HNRNPDL: variants seen among roughly 807,000 people sequenced by gnomAD.
HNRNPDL encodes the protein heterogeneous nuclear ribonucleoprotein D-like.
In HNRNPDL, 18 loss-of-function variants were observed where a neutral mutation model predicts 48.0. The ratio of observed to expected loss-of-function variants is 0.38; its 90% confidence interval spans 0.26 to 0.56. HNRNPDL has a LOEUF of 0.56. HNRNPDL is among the 20% of genes least tolerant of loss of function. The pLI, the probability that HNRNPDL is intolerant of heterozygous loss-of-function variation, is 0.77. For missense variants in HNRNPDL, 553 were observed against 540.7 expected, an observed-to-expected ratio of 1.02 and a Z score of -0.23; for synonymous variants, 306 against 207.3, an observed-to-expected ratio of 1.48 and a Z score of -4.09.
In HNRNPDL at chr4:82,423,540, G is replaced by C. The variant is rs1287782719; in HGVS notation, c.*1366C>G. The C allele has an allele frequency of 6.6e-6, 1 of 151,634 alleles. No individual in the cohort carries two copies. Among genetic ancestry groups the C allele is most frequent in the Non-Finnish European group, 1.5e-5 (1 of 68,016 alleles). 9.4% of individuals were successfully genotyped at this position (151,634 alleles called of 1,614,324 possible). ...CAGGCACCAAATTAAAAAAAAAAAGGGAGGGCTCATGAGCATAAGAAACTT... is the reference window on the plus strand; with the variant it reads ...CAGGCACCAAATTAAAAAAAAAAAGCGAGGGCTCATGAGCATAAGAAACTT... On this transcript the variant is annotated 3_prime_UTR_variant, in exon 8 of 8. Coordinates refer to ENST00000295470, the MANE Select transcript of HNRNPDL (RefSeq NM_031372.4).
intron 5 of HNRNPDL, 119 bp downstream of exon 5, chr4:82,427,071 T>TCC: frequency 1.3e-6 from 1 of 783,524 alleles, no homozygotes; most frequent in South Asian, 1.5e-5. Context: ...AGCTGAACAG[T>TCC]CCCCCCTCCG....
rs1721490103 is a variant in HNRNPDL at position 82,427,997 on chromosome 4, T to A, written c.774+21A>T. 1.9e-6 allele frequency: 3 copies of A among 1,608,144 alleles called. 1 individual carries two copies. Among genetic ancestry groups the A allele is most frequent in the South Asian group, 2.2e-5 (2 of 90,690 alleles). ...TTTTATAAACACATCAAGCTTAACATGTGTAAACATAATCACACACCTCTC... is the reference window on the plus strand; with the variant it reads ...TTTTATAAACACATCAAGCTTAACAAGTGTAAACATAATCACACACCTCTC... On this transcript the variant is annotated intron_variant, in intron 3 of 7. Transcript: ENST00000295470.
rs1721314668 is a variant in HNRNPDL at position 82,424,102 on chromosome 4, C to T, written c.*804G>A. On this transcript the variant is annotated 3_prime_UTR_variant, in exon 8 of 8. Transcript: ENST00000295470. Reference sequence around the variant, plus strand: ...AAAATCCTTGAGTTGTAACTACTTCCAATGCTCTTAAACCATAGCTCCTAC... The same window carrying T: ...AAAATCCTTGAGTTGTAACTACTTCTAATGCTCTTAAACCATAGCTCCTAC... The T allele has an allele frequency of 6.6e-6, 1 of 152,186 alleles. No individual in the cohort carries two copies. The highest frequency in any genetic ancestry group is 6.5e-5 in the Admixed American group (1 of 15,274). The allele number at this position is 152,186 out of a possible 1,614,324, so 9.4% of individuals were successfully genotyped here. A position where few individuals can be genotyped will look rare whatever the true frequency, so the allele number is the denominator to read the frequency against.
Position 82,426,141 on chromosome 4 carries a change from A to C in HNRNPDL, c.1193-12T>G, listed in dbSNP as rs990523628. On this transcript the variant is annotated splice_polypyrimidine_tract_variant and intron_variant, in intron 6 of 7. Coordinates refer to ENST00000295470, the MANE Select transcript of HNRNPDL (RefSeq NM_031372.4). Reference sequence around the variant, plus strand: ...AGTGCTCTGTTGGCCTATTTTGAAAACACAGAATTCTCATTAAGATAGTTT... The same window carrying C: ...AGTGCTCTGTTGGCCTATTTTGAAACCACAGAATTCTCATTAAGATAGTTT... The C allele has an allele frequency of 1.9e-6, 3 of 1,598,038 alleles. No individual in the cohort carries two copies. The African/African-American group carries it at 4.0e-5, about 21-fold the overall frequency.
Position 82,427,547 on chromosome 4 carries a change from A to T in HNRNPDL, c.792T>A (p.Leu264=), listed in dbSNP as rs747638876. ...TTTCATTTGTTTTTGTATCCATGGG[A>T]AGTTCAATATTTTCAATCTGAAATC... The part of the protein sequence containing the change: ...GAFGEIENIE[L]PMDTKTNERR... Residue 264 remains leucine (L), a synonymous_variant, in exon 4 of 8, where the codon CTT becomes CTA. Transcript: ENST00000295470. 1.2e-6 allele frequency: 2 copies of T among 1,609,000 alleles called. No individual in the cohort carries two copies. Among genetic ancestry groups the T allele is most frequent in the African/African-American group, 2.7e-5 (2 of 74,650 alleles).
intron 1 of HNRNPDL, 64 bp downstream of exon 1, chr4:82,429,184 C>T: frequency 6.8e-7 from 1 of 1,480,088 alleles, no homozygotes; most frequent in Non-Finnish European, 9.4e-7. Context: ...GCGCGGCTCA[C>T]GAGGAACGAA....
In HNRNPDL at chr4:82,429,504, C is replaced by T; in HGVS notation, c.187G>A (p.Ala63Thr). The T allele has an allele frequency of 6.5e-7, 1 of 1,538,310 alleles. No homozygotes were observed. The highest frequency in any genetic ancestry group is 1.4e-5 in the African/African-American group (1 of 71,340). ...GARRAQRHVTAQQPSRLAGGA... is the reference protein window; with the variant it reads ...GARRAQRHVTTQQPSRLAGGA... ...CCCGCCAATCGGGAGGGCTGCTGGGCGGTGACGTGGCGCTGGGCCCGGCGC... is the reference window on the plus strand; with the variant it reads ...CCCGCCAATCGGGAGGGCTGCTGGGTGGTGACGTGGCGCTGGGCCCGGCGC... Residue 63 changes from alanine (A) to threonine (T), a missense_variant, in exon 1 of 8, where the codon GCC (alanine) becomes ACC (threonine). Transcript: ENST00000295470.
chr4:82,429,182 C>A, intron 1 of HNRNPDL, 66 bp downstream of exon 1: 1 of 1,458,696 alleles, frequency 6.9e-7, no homozygotes, highest in Non-Finnish European at 9.6e-7. Context: ...GCGCGCGGCT[C>A]ACGAGGAACG....
intron 7 of HNRNPDL, chr4:82,425,353 A>T (rs1317971747): frequency 6.6e-6 from 1 of 152,298 alleles, no homozygotes; most frequent in African/African-American, 2.4e-5. Flanking sequence ...ATGAACACTT[A>T]AAATGAGGCT....
chr4:82,428,761 C>T (rs1207308240), intron 1 of HNRNPDL, among the ~76,000 whole-genome samples: 3 of 152,368 alleles, frequency 2.0e-5, no homozygotes, highest in African/African-American at 7.2e-5. Context: ...TCTTATCTTA[C>T]TTAGGTCCAT....
At chr4:82,429,029 C>G (rs1342773966) in intron 1 of HNRNPDL, among the ~76,000 whole-genome samples, 1 of 152,092 alleles carries the variant, frequency 6.6e-6, no homozygotes, top group East Asian at 1.9e-4. Context: ...CGCCGCCGCC[C>G]TCCTCCTCCA....
At position 82,428,132 on chromosome 4, in the gene HNRNPDL, G is replaced by A. The variant is rs183833572; in HGVS notation, c.660C>T (p.Pro220=). The part of the protein sequence containing the change: ...EHKLDGKLID[P]KRAKALKGKE... The stretch of plus-strand genomic sequence containing the variant: ...TCCCTTTTAAAGCTTTGGCCCTTTT[G>A]GGATCTATCAATTTGCCATCCAGTT... The change falls in exon 3 of 8, where the codon CCC becomes CCT. Residue 220 remains proline, a synonymous_variant. Coordinates refer to ENST00000295470, the MANE Select transcript of HNRNPDL (RefSeq NM_031372.4). 5.0e-6 allele frequency: 8 copies of A among 1,614,110 alleles called. No individual in the cohort carries two copies. The highest frequency in any genetic ancestry group is 6.8e-6 in the Non-Finnish European group (8 of 1,179,998).
chr4:82,428,569 GT>G, intron 1 of HNRNPDL, 123 bp from the exon 2 acceptor site: 1 of 757,852 alleles, frequency 1.3e-6, no homozygotes, highest in Non-Finnish European at 2.1e-6. Context: ...TTTAATTCAT[GT>G]TTACATTTAA....
In HNRNPDL at chr4:82,423,766, T is replaced by C. The variant is rs1375055291; in HGVS notation, c.*1140A>G. On this transcript the variant is annotated 3_prime_UTR_variant, in exon 8 of 8. Transcript: ENST00000295470. ...TTTTCAATGCACCCAGAGGGTCCAC[T>C]GTAATGACTCAGTCACATTTGTAAT... 1 of 151,250 alleles carries C rather than the reference T, an allele frequency of 6.6e-6. No individual in the cohort carries two copies. The highest frequency in any genetic ancestry group is 2.5e-5 in the African/African-American group (1 of 40,546). 9.4% of individuals were successfully genotyped at this position (151,250 alleles called of 1,614,324 possible).
intron 5 of HNRNPDL, 38 bp from the exon 6 acceptor site, chr4:82,426,671 T>A (rs766844667): frequency 1.3e-6 from 2 of 1,559,348 alleles, no homozygotes; most frequent in Non-Finnish European, 1.8e-6. Context: ...AAACAACTTC[T>A]GACCCCCAAT....
chr4:82,426,146 G>T lies in HNRNPDL; in HGVS notation c.1193-17C>A. On this transcript the variant is annotated splice_polypyrimidine_tract_variant and intron_variant, in intron 6 of 7. Transcript: ENST00000295470. ...TCTGTTGGCCTATTTTGAAAACACA[G>T]AATTCTCATTAAGATAGTTTTCTAC... 2 of 1,588,892 alleles carry T rather than the reference G, an allele frequency of 1.3e-6. No homozygotes were observed. The highest frequency in any genetic ancestry group is 1.7e-4 in the Middle Eastern group (1 of 5,996).
intron 1 of HNRNPDL, among the ~76,000 whole-genome samples, chr4:82,428,793 C>A (rs188034572): frequency 8.5e-5 from 13 of 152,340 alleles, no homozygotes; most frequent in African/African-American, 3.1e-4. Flanking sequence ...GCTGTCAAGC[C>A]AACGTTCCAC....
chr4:82,429,059 A>G (rs1354004037), intron 1 of HNRNPDL, among the ~76,000 whole-genome samples, 189 bp downstream of exon 1: 1 of 138,454 alleles, frequency 7.2e-6, no homozygotes, highest in African/African-American at 2.7e-5. Context: ...CCCTTCCCCC[A>G]CTCTTCCCGG....
rs1025976122 is a variant in HNRNPDL, at chr4:82,427,505, A to G, written c.834T>C (p.Phe278=). The G allele has an allele frequency of 3.1e-6, 5 of 1,610,082 alleles. No individual in the cohort carries two copies. The highest frequency in any genetic ancestry group is 1.7e-5 in the Admixed American group (1 of 59,374). Residue 278 remains phenylalanine, a synonymous_variant, in exon 4 of 8, where the codon TTT becomes TTC. Coordinates refer to ENST00000295470, the MANE Select transcript of HNRNPDL (RefSeq NM_031372.4). The part of the protein sequence containing the change: ...TKTNERRGFC[F]ITYTDEEPVK... Reference sequence around the variant, plus strand: ...CTGGCTCTTCATCAGTATATGTGATAAAACAAAATCCTCTTCTTTCATTTG... The same window carrying G: ...CTGGCTCTTCATCAGTATATGTGATGAAACAAAATCCTCTTCTTTCATTTG...
Sources: gnomAD v4.1 joint callset for allele counts (sites outside exome capture counted in the v4.1 genomes callset) on GRCh38, gnomAD v4.1.1 for gene constraint, MANE v1.5 for transcripts, NCBI Gene and HGNC (gene_info 2026-07-23, HGNC 2026-07-21) for gene names.